FRMD4B: variants seen among roughly 807,000 people sequenced by gnomAD.
The protein encoded by FRMD4B is FERM domain-containing protein 4B.
Under a neutral mutation model 141.5 loss-of-function variants are expected in FRMD4B, and 74 were observed. The ratio of observed to expected loss-of-function variants is 0.52; its 90% CI spans 0.43 to 0.63. The LOEUF is 0.63. Ranked by LOEUF, FRMD4B falls within the 30% of genes least tolerant of loss-of-function variation. The pLI is 0.00. For missense variants in FRMD4B, 1,366 were observed against 1,253.4 expected, an observed-to-expected ratio of 1.09 and a Z score of -1.36; for synonymous variants, 506 against 467.9, an observed-to-expected ratio of 1.08 and a Z score of -1.05.
intron 1 of FRMD4B, chr3:69,377,097 A>G (rs1703991807): frequency 1.3e-5 from 2 of 152,234 alleles, no homozygotes; most frequent in African/African-American, 4.8e-5. Flanking sequence ...TGTTTCTTTT[A>G]GAAATTTCTG....
At chr3:69,365,716 T>C (rs1703623629) in intron 1 of FRMD4B, among the ~76,000 whole-genome samples, 1 of 152,052 alleles carries the variant, frequency 6.6e-6, no homozygotes, top group South Asian at 2.1e-4. Flanking sequence ...CAGGCTCATC[T>C]TGAACTCTTG....
At chr3:69,399,208 C>T (rs566583161) in intron 2 of FRMD4B, among the ~76,000 whole-genome samples, 1 of 152,142 alleles carries the variant, frequency 6.6e-6, no homozygotes, top group South Asian at 2.1e-4. Context: ...TTTGGTACTT[C>T]GTTCATGGCC....
intron 2 of FRMD4B, among the ~76,000 whole-genome samples, chr3:69,425,035 G>A: frequency 6.6e-6 from 1 of 152,156 alleles, no homozygotes; most frequent in East Asian, 1.9e-4. Flanking sequence ...CAGCCAGACA[G>A]TGACTTAGGC....
chr3:69,455,869 A>C (rs76946923), intron 1 of FRMD4B, among the ~76,000 whole-genome samples: 1 of 152,178 alleles, frequency 6.6e-6, no homozygotes, highest in East Asian at 1.9e-4. Context: ...TGGCAGCTTG[A>C]GACTTCTACT....
At chr3:69,337,626 C>A (rs1437563211) in intron 1 of FRMD4B, among the ~76,000 whole-genome samples, 3 of 152,028 alleles carry the variant, frequency 2.0e-5, no homozygotes, top group East Asian at 1.9e-4. Context: ...AACAAACAAC[C>A]CCATCAAAAA....
At chr3:69,335,818 G>A (rs1271153169) in intron 1 of FRMD4B, among the ~76,000 whole-genome samples, 2 of 148,962 alleles carry the variant, frequency 1.3e-5, no homozygotes, top group African/African-American at 5.0e-5. Flanking sequence ...TACCTCCTAA[G>A]TTCAGGTGAT....
chr3:69,419,712 A>G (rs1038799221), intron 2 of FRMD4B, among the ~76,000 whole-genome samples: 5 of 152,210 alleles, frequency 3.3e-5, no homozygotes, highest in Admixed American at 6.5e-5. Context: ...TGGCAACTCC[A>G]CATTTGGGAA....
At chr3:69,353,524 TA>T (rs200277978) in intron 1 of FRMD4B, 118 of 942,980 alleles carry the variant, frequency 1.3e-4, no homozygotes, top group South Asian at 1.5e-4. Context: ...TGGAAGATCA[TA>T]AAAAAAAATC....
chr3:69,319,209 G>A lies in FRMD4B; in HGVS notation c.163-5692C>T, dbSNP rs140675802. On this transcript the variant is annotated intron_variant, in intron 1 of 22. Coordinates refer to ENST00000398540, the MANE Select transcript of FRMD4B (RefSeq NM_015123.3). ...TTCTAATGCAGTTATACTCTGGATCGAAAGCATAGTTTATCTCTTACTAGC... is the reference window on the plus strand; with the variant it reads ...TTCTAATGCAGTTATACTCTGGATCAAAAGCATAGTTTATCTCTTACTAGC... Among the ~76,000 whole-genome samples the A allele has an allele frequency of 5.3e-5, 8 of 152,246 alleles. No homozygotes were observed. The East Asian group carries it at 9.7e-4, about 18-fold the overall frequency.
intron 1 of FRMD4B, among the ~76,000 whole-genome samples, chr3:69,352,736 G>A (rs1191972330): frequency 2.6e-5 from 4 of 152,134 alleles, no homozygotes; most frequent in Non-Finnish European, 5.9e-5. Flanking sequence ...ATTGGAAGCC[G>A]TCCCCAAAAA....
intron 1 of FRMD4B, among the ~76,000 whole-genome samples, chr3:69,372,596 T>C (rs1328192763): frequency 6.6e-6 from 1 of 152,038 alleles, no homozygotes; most frequent in Non-Finnish European, 1.5e-5. Context: ...ACCTGGGAGG[T>C]GGAGGTTGCA....
chr3:69,363,435 G>C (rs1703536030), intron 1 of FRMD4B, among the ~76,000 whole-genome samples: 1 of 148,132 alleles, frequency 6.8e-6, no homozygotes, highest in South Asian at 2.1e-4. Context: ...TGTTGCCCAG[G>C]CTGGGGTGCA....
intron 1 of FRMD4B, among the ~76,000 whole-genome samples, chr3:69,382,266 G>T (rs550377301): frequency 6.6e-6 from 1 of 152,060 alleles, no homozygotes; most frequent in Admixed American, 6.6e-5. Flanking sequence ...TCTCGAACTC[G>T]TAAGCTCAAG....
chr3:69,194,679 A>G (rs1425263441), intron 16 of FRMD4B, among the ~76,000 whole-genome samples: 3 of 152,220 alleles, frequency 2.0e-5, no homozygotes, highest in Non-Finnish European at 4.4e-5. Context: ...AGGCCTGAGA[A>G]ATGAGACTTT....
chr3:69,440,283 G>A (rs1210416953), intron 1 of FRMD4B, among the ~76,000 whole-genome samples: 1 of 152,088 alleles, frequency 6.6e-6, no homozygotes, highest in Non-Finnish European at 1.5e-5. Flanking sequence ...GCTATCAGTT[G>A]TAACAATACC....
intron 1 of FRMD4B, among the ~76,000 whole-genome samples, chr3:69,354,874 G>A (rs2107447192): frequency 6.6e-6 from 1 of 152,296 alleles, no homozygotes; most frequent in Middle Eastern, 3.4e-3. Flanking sequence ...GTCACTTGAT[G>A]ATATCAGTAG....
intron 1 of FRMD4B, among the ~76,000 whole-genome samples, chr3:69,458,803 A>G (rs1357696245): frequency 6.7e-6 from 1 of 148,170 alleles, no homozygotes; most frequent in African/African-American, 2.5e-5. Context: ...TGGGTCTTCC[A>G]TGAGGTGGCA....
intron 1 of FRMD4B, among the ~76,000 whole-genome samples, chr3:69,329,335 T>C (rs1411887276): frequency 6.6e-6 from 1 of 152,040 alleles, no homozygotes; most frequent in Non-Finnish European, 1.5e-5. Flanking sequence ...GTGACTATTA[T>C]AATTTATTTC....
Position 69,187,762 on chromosome 3 carries a change from C to T in FRMD4B, c.1919+8G>A. 1 of 1,606,840 alleles carries T rather than the reference C, an allele frequency of 6.2e-7. No individual in the cohort carries two copies. Among genetic ancestry groups the T allele is most frequent in the Non-Finnish European group, 8.5e-7 (1 of 1,177,360 alleles). ...GGCATTAACCTTACTGATGATATGA[C>T]CTCTCACCTGGACTGCCTGGTATCC... On this transcript the variant is annotated splice_region_variant and intron_variant, in intron 19 of 22. Transcript: ENST00000398540.
Sources: gnomAD v4.1 joint callset for allele counts (sites outside exome capture counted in the v4.1 genomes callset) on GRCh38, gnomAD v4.1.1 for gene constraint, MANE v1.5 for transcripts, NCBI Gene and HGNC (gene_info 2026-07-23, HGNC 2026-07-21) for gene names.